The following SYT14 variants were observed in gnomAD, a reference collection of about 807,000 sequenced individuals.
SYT14 encodes the protein synaptotagmin-14.
SYT14 carries 32 observed loss-of-function variants against 74.2 expected under a neutral mutation model. The observed-to-expected ratio is 0.43, with a 90% CI of 0.33 to 0.58. The LOEUF is 0.58. Ranked by LOEUF, SYT14 falls within the 20% of genes least tolerant of loss-of-function variation. The probability of loss-of-function intolerance (pLI) is 0.05; values close to 1 mark genes in which losing one functional copy is unlikely to be tolerated. For synonymous variants in SYT14, 298 were observed against 337.7 expected (o/e 0.88, Z 1.29); for missense variants, 791 against 981.8 (o/e 0.81, Z 2.60).
At chr1:209,939,468 A>T (rs1446772489) in intron 1 of SYT14, among the ~76,000 whole-genome samples, 1 of 152,314 alleles carries the variant, frequency 6.6e-6, no homozygotes, top group East Asian at 1.9e-4. Flanking sequence ...TAGCTTATTT[A>T]TTTAAGAGAG....
intron 2 of SYT14, among the ~76,000 whole-genome samples, chr1:209,969,557 G>A (rs1338469226): frequency 2.1e-5 from 3 of 144,276 alleles, no homozygotes; most frequent in South Asian, 2.2e-4. Context: ...GCGTGATCTC[G>A]GCTCACTGCA....
At chr1:210,140,732 TC>T (rs2082896915) in intron 7 of SYT14, among the ~76,000 whole-genome samples, 1 of 152,166 alleles carries the variant, frequency 6.6e-6, no homozygotes, top group Non-Finnish European at 1.5e-5. Context: ...TATCCAGTTG[TC>T]CCAACAATTT....
chr1:210,099,248 G>A (rs1436449689), intron 6 of SYT14, among the ~76,000 whole-genome samples: 2 of 152,132 alleles, frequency 1.3e-5, no homozygotes, highest in Non-Finnish European at 2.9e-5. Flanking sequence ...AGACTGGCAA[G>A]AATTTGAGAC....
intron 2 of SYT14, chr1:209,966,120 T>C (rs561817631): frequency 1.8e-4 from 63 of 345,914 alleles, no homozygotes; most frequent in African/African-American, 1.2e-3. Context: ...TCTGCCTGCC[T>C]CAACCTCGCA....
chr1:209,981,343 G>A (rs920530565), intron 2 of SYT14, among the ~76,000 whole-genome samples: 2 of 151,702 alleles, frequency 1.3e-5, no homozygotes, highest in African/African-American at 4.8e-5. Flanking sequence ...TGCTTGCTTG[G>A]TTGGAAAAAG....
chr1:209,962,799 G>A (rs1401026487), intron 2 of SYT14, among the ~76,000 whole-genome samples: 3 of 152,018 alleles, frequency 2.0e-5, no homozygotes, highest in Non-Finnish European at 2.9e-5. Context: ...TAAAAATGGA[G>A]AGCAAATGGG....
exon 10 of SYT14, chr1:210,165,591 T>A (rs1399045274): frequency 6.6e-6 from 1 of 152,196 alleles, no homozygotes; most frequent in Non-Finnish European, 1.5e-5. Context: ...CTCACTCATA[T>A]CAGTGGTGAG....
At chr1:210,021,684 C>A (rs1350577466) in intron 5 of SYT14, among the ~76,000 whole-genome samples, 2 of 152,166 alleles carry the variant, frequency 1.3e-5, no homozygotes, top group Non-Finnish European at 2.9e-5. Context: ...AAACACCAGC[C>A]AAATGTTGCA....
chr1:210,114,588 C>T (rs1241659567), intron 7 of SYT14, among the ~76,000 whole-genome samples: 1 of 151,152 alleles, frequency 6.6e-6, no homozygotes, highest in Non-Finnish European at 1.5e-5. Context: ...GGGTTGTTGC[C>T]AAACGGGCCA....
intron 2 of SYT14, among the ~76,000 whole-genome samples, chr1:210,001,543 C>G (rs2079900248): frequency 6.6e-6 from 1 of 152,146 alleles, no homozygotes; most frequent in African/African-American, 2.4e-5. Context: ...CAAATATCAG[C>G]TGGCTTCCTG....
intron 1 of SYT14, among the ~76,000 whole-genome samples, chr1:209,951,991 A>G (rs2078919183): frequency 6.6e-6 from 1 of 152,170 alleles, no homozygotes; most frequent in African/African-American, 2.4e-5. Context: ...AGTAGTGCCT[A>G]GGAAGATGAG....
At chr1:210,170,107 T>C (rs2083508156) in exon 10 of SYT14, 4 of 152,186 alleles carry the variant, frequency 2.6e-5, no homozygotes, top group Admixed American at 2.0e-4. Context: ...AAAACTCTTA[T>C]CAAACAACTG....
At chr1:210,121,793 CAAAA>C (rs71146207) in intron 7 of SYT14, among the ~76,000 whole-genome samples, 2 of 92,558 alleles carry the variant, frequency 2.2e-5, no homozygotes, top group African/African-American at 8.4e-5. Flanking sequence ...GACCCCATTT[CAAAA>C]AAAAAAAAAA....
intron 2 of SYT14, among the ~76,000 whole-genome samples, chr1:210,005,232 T>G (rs993621465): frequency 5.9e-5 from 9 of 152,146 alleles, no homozygotes; most frequent in Non-Finnish European, 1.0e-4. Flanking sequence ...TTTGATCATT[T>G]CAAGAAGAGA....
chr1:210,065,877 TC>T (rs1374476373), intron 5 of SYT14, among the ~76,000 whole-genome samples: 2 of 149,880 alleles, frequency 1.3e-5, no homozygotes, highest in African/African-American at 2.5e-5. Flanking sequence ...CCCTCCCCCT[TC>T]CCCCCACCCC....
At chr1:209,985,834 A>AG (rs1296332852) in intron 2 of SYT14, among the ~76,000 whole-genome samples, 7 of 152,252 alleles carry the variant, frequency 4.6e-5, no homozygotes, top group African/African-American at 1.7e-4. Context: ...CAAGGCTTAC[A>AG]GCTTGCACTC....
intron 2 of SYT14, among the ~76,000 whole-genome samples, chr1:209,972,174 A>G (rs1030355098): frequency 6.6e-6 from 1 of 151,940 alleles, no homozygotes; most frequent in Non-Finnish European, 1.5e-5. Context: ...TTATTTGCAT[A>G]GAGATATTCG....
At position 210,027,871 on chromosome 1, in the gene SYT14, AT is replaced by A. The variant is rs202072178; in HGVS notation, c.1312+6622del. Among the ~76,000 whole-genome samples, 821 of 152,152 alleles carry A rather than the reference AT, an allele frequency of 5.4e-3. 4 individuals are homozygous for A. The highest frequency in any genetic ancestry group is 0.018 in the African/African-American group (753 of 41,510). ...TTATTTTATTTTTTACATCTACAGT[AT>A]TTTTCCCTTTTTATTCCTTATTGTG... On this transcript the variant is annotated intron_variant, in intron 5 of 9. Coordinates refer to ENST00000637265, the Ensembl canonical transcript of SYT14.
At chr1:209,938,240 T>C in exon 1 of SYT14, 1 of 1,544,452 alleles carries the variant, frequency 6.5e-7, no homozygotes, top group African/African-American at 1.4e-5. Context: ...GCCATCCAGT[T>C]GGTGCGGTCC....
Sources: gnomAD v4.1 joint callset for allele counts (sites outside exome capture counted in the v4.1 genomes callset) on GRCh38, gnomAD v4.1.1 for gene constraint, MANE v1.5 for transcripts, NCBI Gene and HGNC (gene_info 2026-07-23, HGNC 2026-07-21) for gene names.